Variants in CTDSP2 observed in about 807,000 individuals in gnomAD.
CTDSP2 encodes the protein CTD small phosphatase 2.
CTDSP2 carries 9 observed loss-of-function variants against 31.6 expected under a neutral mutation model. The observed-to-expected ratio is 0.28, with a 90% CI of 0.17 to 0.50. CTDSP2 has a LOEUF of 0.50. Among genes scored for constraint, CTDSP2 ranks in the 20% least tolerant of loss-of-function variants. The probability of loss-of-function intolerance (pLI) is 0.98; values close to 1 mark genes in which losing one functional copy is unlikely to be tolerated. For missense variants in CTDSP2, 267 were observed against 348.5 expected (o/e 0.77, Z 1.86); for synonymous variants, 134 against 134.5 (o/e 1.00, Z 0.03).
rs371970721 is a variant in CTDSP2 at position 57,840,369 on chromosome 12, C to T, written c.64+6003G>A. On this transcript the variant is annotated intron_variant, in intron 1 of 7. Coordinates refer to ENST00000398073, the MANE Select transcript of CTDSP2 (RefSeq NM_005730.4). Reference sequence around the variant, plus strand: ...AAGTCCCCTTGGCCCCTCTCCCCACCGTACCTGACTGGCTCAGTGTTTCTG... The same window carrying T: ...AAGTCCCCTTGGCCCCTCTCCCCACTGTACCTGACTGGCTCAGTGTTTCTG... Among the ~76,000 whole-genome samples, 23 of 152,358 alleles carry T rather than the reference C, an allele frequency of 1.5e-4. No individual in the cohort carries two copies. The South Asian group carries it at 3.7e-3, about 25-fold the overall frequency.
At chr12:57,839,827 G>T (rs1401372083) in intron 1 of CTDSP2, among the ~76,000 whole-genome samples, 1 of 151,994 alleles carries the variant, frequency 6.6e-6, no homozygotes, top group African/African-American at 2.4e-5. Context: ...TTCCTTATCT[G>T]TAAAGTGAGG....
At chr12:57,845,202 CGCCCCAGCCTCCGGGGCCAGGTG>C (rs149286879) in intron 1 of CTDSP2, among the ~76,000 whole-genome samples, 2,938 of 152,252 alleles carry the variant, frequency 0.019, 91 homozygotes, top group African/African-American at 0.068. Context: ...AGCCAGCTCC[CGCCCCAGCCTCCGGGGCCAGGTG>C]GCCCCGGTCG....
At chr12:57,827,444 G>C in intron 3 of CTDSP2, 108 bp downstream of exon 3, 1 of 1,207,838 alleles carries the variant, frequency 8.3e-7, no homozygotes, top group Non-Finnish European at 1.2e-6. Flanking sequence ...CCAGGTCAGG[G>C]AGGTGGCTGG....
intron 1 of CTDSP2, among the ~76,000 whole-genome samples, chr12:57,841,228 A>C (rs982444674): frequency 6.6e-6 from 1 of 152,202 alleles, no homozygotes; most frequent in Non-Finnish European, 1.5e-5. Context: ...AGACTAAGAC[A>C]AGATGAAAAG....
At chr12:57,824,496 T>G in intron 5 of CTDSP2, 177 bp from the exon 6 acceptor site, 1 of 667,500 alleles carries the variant, frequency 1.5e-6, no homozygotes, top group South Asian at 1.6e-5. Context: ...GAGAACTGGC[T>G]GTACCCCTCA....
At chr12:57,830,932 G>A (rs1198514123) in intron 1 of CTDSP2, among the ~76,000 whole-genome samples, 1 of 151,380 alleles carries the variant, frequency 6.6e-6, no homozygotes, top group Non-Finnish European at 1.5e-5. Context: ...ACTTTCAGTA[G>A]AGATGGGGTT....
At chr12:57,841,623 G>A (rs1290918657) in intron 1 of CTDSP2, among the ~76,000 whole-genome samples, 1 of 152,194 alleles carries the variant, frequency 6.6e-6, no homozygotes, top group Non-Finnish European at 1.5e-5. Flanking sequence ...CAAAGAAGGG[G>A]TCTGTGCAGC....
At chr12:57,839,361 T>C (rs1307971806) in intron 1 of CTDSP2, among the ~76,000 whole-genome samples, 1 of 152,168 alleles carries the variant, frequency 6.6e-6, no homozygotes, top group Non-Finnish European at 1.5e-5. Flanking sequence ...CCCTGCATGG[T>C]CCCTTAAAAG....
intron 5 of CTDSP2, 142 bp downstream of exon 5, chr12:57,826,204 T>C (rs1160258769): frequency 1.8e-6 from 1 of 549,066 alleles, no homozygotes; most frequent in African/African-American, 1.9e-5. Flanking sequence ...AAGATACCAA[T>C]AAAAAGGGGA....
Position 57,823,662 on chromosome 12 carries a change from A to G in CTDSP2, c.756T>C (p.Phe252=), listed in dbSNP as rs1248306023. ...DTELLNLIPI[F]EELSGAEDVY... ...CGTCCTCTGCTCCGCTCAGCTCCTC[A>G]AAGATTGGGATCAGGTTCAGCAACT... is the stretch of plus-strand genomic sequence containing the variant. The change falls in exon 8 of 8, where the codon TTT becomes TTC. Residue 252 remains phenylalanine (F), a synonymous_variant. Coordinates refer to ENST00000398073, the MANE Select transcript of CTDSP2 (RefSeq NM_005730.4). 1.2e-6 allele frequency: 2 copies of G among 1,614,106 alleles called. No homozygotes were observed. The highest frequency in any genetic ancestry group is 1.1e-5 in the South Asian group (1 of 91,082).
At position 57,823,205 on chromosome 12, in the gene CTDSP2, GTCT is replaced by G. The variant is rs1956159011; in HGVS notation, c.*394_*396del. On this transcript the variant is annotated 3_prime_UTR_variant, in exon 8 of 8. Coordinates refer to ENST00000398073, the MANE Select transcript of CTDSP2 (RefSeq NM_005730.4). ...GGAAAGGCCATGGTTTGGCAATGGA[GTCT>G]TCAATAGTCTTCATCCCTACACAAC... The G allele has an allele frequency of 4.4e-6, 1 of 226,216 alleles. No homozygotes were observed. Among genetic ancestry groups the G allele is most frequent in the South Asian group, 7.5e-5 (1 of 13,252 alleles). 14.0% of individuals were successfully genotyped at this position (226,216 alleles called of 1,614,324 possible). A position where few individuals can be genotyped will look rare whatever the true frequency, so the allele number is the denominator to read the frequency against.
intron 1 of CTDSP2, among the ~76,000 whole-genome samples, chr12:57,835,606 G>A (rs960683431): frequency 1.3e-5 from 2 of 152,212 alleles, no homozygotes; most frequent in South Asian, 2.1e-4. Flanking sequence ...CCCAGATGCA[G>A]ATGTGCTTCT....
chr12:57,827,719 A>G (rs1254184167), intron 2 of CTDSP2, 129 bp from the exon 3 acceptor site: 3 of 838,176 alleles, frequency 3.6e-6, no homozygotes, highest in Admixed American at 4.3e-5. Flanking sequence ...AGCTCCTACC[A>G]TGTCAAAAGT....
In CTDSP2 at chr12:57,821,905, C is replaced by T. The variant is rs183449520; in HGVS notation, c.*1697G>A. 5.4e-4 allele frequency: 83 copies of T among 152,384 alleles called. No homozygotes were observed. Among genetic ancestry groups the T allele is most frequent in the African/African-American group, 2.0e-3 (82 of 41,570 alleles). 9.4% of individuals were successfully genotyped at this position (152,384 alleles called of 1,614,324 possible). A position where few individuals can be genotyped will look rare whatever the true frequency, so the allele number is the denominator to read the frequency against. On this transcript the variant is annotated 3_prime_UTR_variant, in exon 8 of 8. Transcript: ENST00000398073. ...AATGCCAGCCAGCCACCGCTGAGAG[C>T]ACGAAGCTGCTGCTCTACTACCTGC... is the stretch of plus-strand genomic sequence containing the variant.
chr12:57,820,765 C>G lies in CTDSP2; in HGVS notation c.*2837G>C, dbSNP rs1565842067. 2 of 152,304 alleles carry G rather than the reference C, an allele frequency of 1.3e-5. No homozygotes were observed. Among genetic ancestry groups the G allele is most frequent in the Admixed American group, 6.5e-5 (1 of 15,280 alleles). 9.4% of individuals were successfully genotyped at this position (152,304 alleles called of 1,614,324 possible). The stretch of plus-strand genomic sequence containing the variant: ...CCTCTACAATGTGCAGAGTGGAAAC[C>G]CTTACCTGACCCTTTTCCAAACTGG... On this transcript the variant is annotated 3_prime_UTR_variant, in exon 8 of 8. Transcript: ENST00000398073.
chr12:57,827,219 C>T, intron 3 of CTDSP2, 122 bp from the exon 4 acceptor site: 1 of 698,990 alleles, frequency 1.4e-6, no homozygotes, highest in South Asian at 1.7e-5. Flanking sequence ...GGATAGGCAC[C>T]ACTTAAAGGC....
chr12:57,833,262 G>A lies in CTDSP2; in HGVS notation c.65-3666C>T, dbSNP rs192337063. Among the ~76,000 whole-genome samples, 23 of 152,308 alleles carry A rather than the reference G, an allele frequency of 1.5e-4. No homozygotes were observed. In the East Asian group the frequency reaches 1.5e-3, roughly 10 times the overall value. ...TGCAGGGAGCCCAACAGGCAGAAGC[G>A]CCTCAGTCCTAGATGGGGAGGGAGC... is the stretch of plus-strand genomic sequence containing the variant. On this transcript the variant is annotated intron_variant, in intron 1 of 7. Coordinates refer to ENST00000398073, the MANE Select transcript of CTDSP2 (RefSeq NM_005730.4).
chr12:57,841,856 G>A lies in CTDSP2; in HGVS notation c.64+4516C>T, dbSNP rs77761930. ...TTATCAAGCACCTACTAAGTACCAA[G>A]TATAATAGAAGGGTAGATATCATTA... is the stretch of plus-strand genomic sequence containing the variant. On this transcript the variant is annotated intron_variant, in intron 1 of 7. Coordinates refer to ENST00000398073, the MANE Select transcript of CTDSP2 (RefSeq NM_005730.4). 6.6e-5 allele frequency among the ~76,000 whole-genome samples: 10 copies of A among 152,294 alleles called. No homozygotes were observed. In the East Asian group the frequency reaches 1.9e-3, roughly 29 times the overall value.
chr12:57,833,120 C>A (rs1956226843), intron 1 of CTDSP2, among the ~76,000 whole-genome samples: 1 of 152,182 alleles, frequency 6.6e-6, no homozygotes, highest in Admixed American at 6.5e-5. Flanking sequence ...GAGAGGCCGT[C>A]AGGAATGCAC....
Sources: allele counts gnomAD v4.1 joint callset (sites outside exome capture counted in the v4.1 genomes callset), GRCh38; gene constraint gnomAD v4.1.1; transcripts MANE v1.5; gene names NCBI Gene and HGNC (gene_info 2026-07-23, HGNC 2026-07-21).